The following ZNF285 variants were observed in gnomAD, a reference collection of about 807,000 sequenced individuals.
The protein encoded by ZNF285 is zinc finger protein 285A.
ZNF285 carries 4 observed loss-of-function variants against 6.2 expected under a neutral mutation model. The observed-to-expected ratio is 0.65, with a 90% confidence interval of 0.32 to 1.49. The LOEUF is 1.49. Among genes scored for constraint, ZNF285 ranks in the 40% most tolerant of loss-of-function variants. The probability of loss-of-function intolerance (pLI) is 0.07; values close to 1 mark genes in which losing one functional copy is unlikely to be tolerated. For missense variants in ZNF285, 695 were observed against 708.8 expected, an observed-to-expected ratio of 0.98 and a Z score of 0.22; for synonymous variants, 240 against 245.8, an observed-to-expected ratio of 0.98 and a Z score of 0.22.
chr19:44,396,071 T>C (rs768160410), intron 2 of ZNF285, among the ~76,000 whole-genome samples: 8 of 152,146 alleles, frequency 5.3e-5, no homozygotes, highest in Non-Finnish European at 7.3e-5. Flanking sequence ...TTGGGCAAGA[T>C]GGTTTCCAGG....
chr19:44,392,603 G>C (rs776738176), intron 2 of ZNF285, 137 bp from the exon 3 acceptor site: 1 of 1,520,594 alleles, frequency 6.6e-7, no homozygotes, highest in Non-Finnish European at 8.9e-7. Flanking sequence ...CTGGAGGTTG[G>C]AAAGTCTAAG....
chr19:44,398,347 C>T (rs1489017309), intron 1 of ZNF285, among the ~76,000 whole-genome samples: 1 of 152,160 alleles, frequency 6.6e-6, no homozygotes, highest in Non-Finnish European at 1.5e-5. Flanking sequence ...TGCCAGTTAG[C>T]TTCCAGTTGG....
intron 3 of ZNF285, among the ~76,000 whole-genome samples, chr19:44,391,667 C>T (rs1971198355): frequency 6.6e-6 from 1 of 151,972 alleles, no homozygotes; most frequent in Admixed American, 6.6e-5. Context: ...TTACCTCCTA[C>T]CAGGCCCCTC....
rs752836056 is a variant in ZNF285, at chr19:44,387,284, A to T, written c.961T>A (p.Cys321Ser). The change falls in exon 4 of 4, where the codon TGT becomes AGT. Residue 321 changes from cysteine to serine, a missense_variant. Physicochemically the swap from Cys to Ser is moderately radical, Grantham distance 112. Coordinates refer to ENST00000614994, the MANE Select transcript of ZNF285 (RefSeq NM_152354.6). ...GAGCTGCGCCTGAAGCCCTTGCCAC[A>T]TTCTTTACATTTGTAGGGTTTGTCT... ...SGDKPYKCKE[C>S]GKGFRRSSSL... 1.2e-6 allele frequency: 2 copies of T among 1,614,148 alleles called. No individual in the cohort carries two copies. Among genetic ancestry groups the T allele is most frequent in the African/African-American group, 1.3e-5 (1 of 75,022 alleles).
intron 3 of ZNF285, chr19:44,392,137 G>C: frequency 7.1e-7 from 1 of 1,414,504 alleles, no homozygotes; most frequent in Non-Finnish European, 9.2e-7. Flanking sequence ...GAGATTTGGG[G>C]AGAGCTCCCT....
At chr19:44,395,519 TAA>T (rs1555721998) in intron 2 of ZNF285, among the ~76,000 whole-genome samples, 1 of 152,202 alleles carries the variant, frequency 6.6e-6, no homozygotes, top group African/African-American at 2.4e-5. Flanking sequence ...AACCAACTGT[TAA>T]AAAATTTTTT....
At chr19:44,388,134 A>G (rs765653884) in intron 3 of ZNF285, 32 bp from the exon 4 acceptor site, 1 of 1,587,508 alleles carries the variant, frequency 6.3e-7, no homozygotes, top group East Asian at 2.2e-5. Context: ...GGCTAAGAGA[A>G]CAAGTCAATC....
intron 3 of ZNF285, among the ~76,000 whole-genome samples, chr19:44,391,278 T>C (rs908289428): frequency 4.6e-5 from 7 of 152,052 alleles, no homozygotes; most frequent in African/African-American, 1.7e-4. Flanking sequence ...GTAAGTCCAG[T>C]ACACGTCTAT....
chr19:44,399,543 G>A (rs1225382077), intron 1 of ZNF285, among the ~76,000 whole-genome samples: 1 of 151,182 alleles, frequency 6.6e-6, no homozygotes, highest in South Asian at 2.1e-4. Context: ...CACGTGCAAA[G>A]ACATAAACTC....
chr19:44,400,750 A>G (rs1971361762), intron 1 of ZNF285, among the ~76,000 whole-genome samples: 2 of 151,700 alleles, frequency 1.3e-5, no homozygotes, highest in South Asian at 4.2e-4. Context: ...AATTTTTTGT[A>G]ATTGTTTTTT....
chr19:44,384,219 CTT>C lies in ZNF285; in HGVS notation c.*2251_*2252del, dbSNP rs1270589248. 6.6e-6 allele frequency: 1 copy of C among 152,184 alleles called. No homozygotes were observed. The highest frequency in any genetic ancestry group is 1.5e-5 in the Non-Finnish European group (1 of 68,030). 9.4% of individuals were successfully genotyped at this position (152,184 alleles called of 1,614,324 possible). ...TGGGATGCCCTAATTTACTCAATCT[CTT>C]ATACATGAACCTTCAGGTTGTTTAC... is the stretch of plus-strand genomic sequence containing the variant. On this transcript the variant is annotated 3_prime_UTR_variant, in exon 4 of 4. Coordinates refer to ENST00000614994, the MANE Select transcript of ZNF285 (RefSeq NM_152354.6).
intron 2 of ZNF285, among the ~76,000 whole-genome samples, chr19:44,395,643 T>C (rs958236650): frequency 6.6e-6 from 1 of 152,004 alleles, no homozygotes; most frequent in African/African-American, 2.4e-5. Context: ...ACACAGAGAG[T>C]GTGGTAAGTT....
At chr19:44,398,168 C>T (rs1971316012) in intron 1 of ZNF285, among the ~76,000 whole-genome samples, 1 of 152,148 alleles carries the variant, frequency 6.6e-6, no homozygotes, top group Admixed American at 6.5e-5. Flanking sequence ...GATGACACAC[C>T]TATGACATAT....
rs770658058 is a variant in ZNF285 at position 44,387,087 on chromosome 19, G to A, written c.1158C>T (p.Asn386=). 4.3e-6 allele frequency: 7 copies of A among 1,614,018 alleles called. No homozygotes were observed. In the East Asian group the frequency reaches 1.6e-4, roughly 36 times the overall value. The stretch of plus-strand genomic sequence containing the variant: ...TGTGGACTCTCTGATGGACAAGAAG[G>A]TTGGAGCTCTGATCAAAGCCCTTCC... The part of the protein sequence containing the change: ...ECGKGFDQSS[N]LLVHQRVHTG... Residue 386 remains asparagine (N), a synonymous_variant, in exon 4 of 4, where the codon AAC becomes AAT. Transcript: ENST00000614994.
In ZNF285 at chr19:44,397,098, T is replaced by C. The variant is rs879191835; in HGVS notation, c.15+101A>G. 472 of 1,545,920 alleles carry C rather than the reference T, an allele frequency of 3.1e-4. 2 individuals carry two copies. The highest frequency in any genetic ancestry group is 3.6e-4 in the Non-Finnish European group (403 of 1,124,490). On this transcript the variant is annotated intron_variant, in intron 2 of 3. Coordinates refer to ENST00000614994, the MANE Select transcript of ZNF285 (RefSeq NM_152354.6). ...ATGAGCAGATAAAGTACCTAATACA[T>C]AGTAGTCACTCAAAAAATGCTGACC...
At position 44,386,632 on chromosome 19, in the gene ZNF285, C is replaced by T. The variant is rs1192857833; in HGVS notation, c.1613G>A (p.Arg538Lys). 6.2e-7 allele frequency: 1 copy of T among 1,613,932 alleles called. No individual in the cohort carries two copies. The highest frequency in any genetic ancestry group is 1.1e-5 in the South Asian group (1 of 91,078). The change falls in exon 4 of 4, where the codon AGG becomes AAG. Residue 538 changes from arginine to lysine, a missense_variant. Physicochemically the swap from Arg to Lys is conservative, Grantham distance 26. Coordinates refer to ENST00000614994, the MANE Select transcript of ZNF285 (RefSeq NM_152354.6). The part of the protein sequence containing the change: ...NVHLRVHTGE[R>K]PYKCKACGKG... ...ACCACATGCCTTACACTTATAGGGC[C>T]TCTCTCCTGTGTGGACTCTGAGGTG...
At chr19:44,395,396 A>G (rs576314307) in intron 2 of ZNF285, among the ~76,000 whole-genome samples, 4 of 152,260 alleles carry the variant, frequency 2.6e-5, no homozygotes, top group East Asian at 1.9e-4. Flanking sequence ...GCAACAAGTC[A>G]ATAGCAGGAG....
At chr19:44,392,086 G>T (rs1568387229) in intron 3 of ZNF285, 3 of 1,087,868 alleles carry the variant, frequency 2.8e-6, no homozygotes, top group East Asian at 6.4e-5. Context: ...AGGGGAGGGA[G>T]GGCTTACTTC....
intron 1 of ZNF285, among the ~76,000 whole-genome samples, chr19:44,398,521 A>G (rs534360509): frequency 6.6e-6 from 1 of 152,252 alleles, no homozygotes; most frequent in African/African-American, 2.4e-5. Flanking sequence ...GTCATCCCAT[A>G]AATCTTTCTT....
Sources: gnomAD v4.1 joint callset for allele counts (sites outside exome capture counted in the v4.1 genomes callset) on GRCh38, gnomAD v4.1.1 for gene constraint, MANE v1.5 for transcripts, NCBI Gene and HGNC (gene_info 2026-07-23, HGNC 2026-07-21) for gene names.